The following HAUS5 variants were observed in gnomAD, a reference collection of about 807,000 sequenced individuals.
HAUS5 encodes the protein HAUS augmin like complex subunit 5, also known as HAUS augmin-like complex subunit 5.
In HAUS5, 67 loss-of-function variants were observed where a neutral mutation model predicts 94.1. The ratio of observed to expected loss-of-function variants is 0.71; its 90% CI spans 0.58 to 0.87. HAUS5 has a LOEUF of 0.87. Among genes scored for constraint, HAUS5 ranks in the 40% least tolerant of loss-of-function variants. The pLI is 0.00. For synonymous variants in HAUS5, 339 were observed against 355.4 expected, an observed-to-expected ratio of 0.95 and a Z score of 0.52; for missense variants, 739 against 825.6, an observed-to-expected ratio of 0.90 and a Z score of 1.29.
At position 35,623,143 on chromosome 19, in the gene HAUS5, C is replaced by T; in HGVS notation, c.*150C>T. The T allele has an allele frequency of 1.6e-6, 1 of 620,104 alleles. No individual in the cohort carries two copies. Among genetic ancestry groups the T allele is most frequent in the Admixed American group, 2.9e-5 (1 of 34,704 alleles). 38.4% of individuals were successfully genotyped at this position (620,104 alleles called of 1,614,324 possible). ...TCCCCTCATGTGCTGTTCTGCTGCC[C>T]CACTCAGCTCCTGGACCCTGTCCTT... is the stretch of plus-strand genomic sequence containing the variant. On this transcript the variant is annotated 3_prime_UTR_variant, in exon 19 of 19. Transcript: ENST00000203166.
intron 12 of HAUS5, 29 bp downstream of exon 12, chr19:35,618,728 A>G: frequency 1.3e-6 from 2 of 1,554,598 alleles, no homozygotes; most frequent in Non-Finnish European, 1.7e-6. Flanking sequence ...AGAGGTCTCT[A>G]GGCCATCTCG....
At chr19:35,622,839 T>A (rs768750598) in intron 18 of HAUS5, 37 bp from the exon 19 acceptor site, 1 of 1,605,078 alleles carries the variant, frequency 6.2e-7, no homozygotes, top group South Asian at 1.1e-5. Flanking sequence ...GTCTGGAGGG[T>A]CAGTCCTTTC....
At chr19:35,617,616 A>C (rs1192361699) in intron 8 of HAUS5, among the ~76,000 whole-genome samples, 1 of 152,032 alleles carries the variant, frequency 6.6e-6, no homozygotes, top group African/African-American at 2.4e-5. Context: ...CCAGCTAAGA[A>C]GGCAGGGAGG....
In HAUS5 at chr19:35,620,302, C is replaced by T. The variant is rs1215042996; in HGVS notation, c.1626C>T (p.Ser542=). The T allele has an allele frequency of 5.0e-6, 8 of 1,613,142 alleles. No homozygotes were observed. The highest frequency in any genetic ancestry group is 6.8e-6 in the Non-Finnish European group (8 of 1,179,804). The stretch of plus-strand genomic sequence containing the variant: ...GGGATCTACTCCACATGAAGACCAG[C>T]CTGCCGCCAGGCCTTCCCACCCAGG... ...WCWDLLHMKT[S]LPPGLPTQEL... Residue 542 remains serine (S), a synonymous_variant, in exon 17 of 19, where the codon AGC becomes AGT. Coordinates refer to ENST00000203166, the MANE Select transcript of HAUS5 (RefSeq NM_015302.2).
intron 17 of HAUS5, among the ~76,000 whole-genome samples, chr19:35,621,366 A>G (rs1245314119): frequency 1.3e-5 from 2 of 152,022 alleles, no homozygotes; most frequent in East Asian, 3.9e-4. Flanking sequence ...TTTTTGAGAC[A>G]AGGTCTCATT....
chr19:35,613,570 T>TTA (rs765418869), intron 1 of HAUS5, 160 bp from the exon 2 acceptor site: 9 of 499,834 alleles, frequency 1.8e-5, no homozygotes, highest in Non-Finnish European at 2.8e-5. Context: ...GACTGTCTCT[T>TTA]AAAAAAAAAA....
In HAUS5 at chr19:35,617,281, C is replaced by T. The variant is rs200781781; in HGVS notation, c.556-6C>T. ...CCCTCAGGTCCCTTCCTCCTCTTCT[C>T]CCTAGCGTGATGTCCGAACAGCCTG... On this transcript the variant is annotated splice_polypyrimidine_tract_variant and splice_region_variant and intron_variant, in intron 7 of 18. Coordinates refer to ENST00000203166, the MANE Select transcript of HAUS5 (RefSeq NM_015302.2). The T allele has an allele frequency of 6.8e-4, 1,102 of 1,612,956 alleles. 8 individuals carry two copies. In the African/African-American group the frequency reaches 0.012, roughly 17 times the overall value.
intron 14 of HAUS5, 29 bp from the exon 15 acceptor site, chr19:35,619,584 G>GGGCCCCCCCCC: frequency 2.0e-5 from 30 of 1,533,692 alleles, no homozygotes; most frequent in East Asian, 4.7e-5. Context: ...ATGTTGTGAT[G>GGGCCCCCCCCC]CCCCACCCAC....
rs771359954 is a variant in HAUS5, at chr19:35,622,950, G to A, written c.1859G>A (p.Arg620His). 135 of 1,613,324 alleles carry A rather than the reference G, an allele frequency of 8.4e-5. No homozygotes were observed. Among genetic ancestry groups the A allele is most frequent in the Middle Eastern group, 1.7e-4 (1 of 5,988 alleles). ...CTGTCCCTGCCCCAGTGGCGGCTGCGCTGGGTTCAGGCCCAGGGGGCCCTG... is the reference window on the plus strand; with the variant it reads ...CTGTCCCTGCCCCAGTGGCGGCTGCACTGGGTTCAGGCCCAGGGGGCCCTG... ...QGLSLPQWRL[R>H]WVQAQGALQK... The change falls in exon 19 of 19, where the codon CGC (arginine) becomes CAC (histidine). Residue 620 changes from arginine (R) to histidine (H), a missense_variant. Physicochemically the swap from Arg to His is conservative, Grantham distance 29. Transcript: ENST00000203166.
Position 35,616,317 on chromosome 19 carries a change from TA to T in HAUS5, c.486-794del, listed in dbSNP as rs879607918. The stretch of plus-strand genomic sequence containing the variant: ...TGGGTGACAAGAGCAAAACTCTGTT[TA>T]AAAAAAAAAAAATTGGGTGACCTTG... On this transcript the variant is annotated intron_variant, in intron 6 of 18. Transcript: ENST00000203166. Among the ~76,000 whole-genome samples the T allele has an allele frequency of 1.5e-3, 213 of 144,822 alleles. 1 individual carries two copies. Among genetic ancestry groups the T allele is most frequent in the Middle Eastern group, 3.6e-3 (1 of 276 alleles).
At chr19:35,615,723 A>G (rs1454578015) in intron 6 of HAUS5, among the ~76,000 whole-genome samples, 1 of 152,196 alleles carries the variant, frequency 6.6e-6, no homozygotes, top group African/African-American at 2.4e-5. Flanking sequence ...AGTGCTGTGA[A>G]GAAAAGCCTA....
Position 35,618,204 on chromosome 19 carries a change from C to A in HAUS5, c.821+9C>A. Reference sequence around the variant, plus strand: ...GACACAGAGATATCCAGGTGTGGGGCAGGGTATTCTCACAGTTGGGGAAGG... The same window carrying A: ...GACACAGAGATATCCAGGTGTGGGGAAGGGTATTCTCACAGTTGGGGAAGG... On this transcript the variant is annotated intron_variant, in intron 10 of 18. Transcript: ENST00000203166. The A allele has an allele frequency of 1.9e-6, 3 of 1,596,438 alleles. No individual in the cohort carries two copies. Among genetic ancestry groups the A allele is most frequent in the South Asian group, 1.1e-5 (1 of 88,892 alleles).
Position 35,615,214 on chromosome 19 carries a change from G to C in HAUS5, c.326-13G>C, listed in dbSNP as rs1255697064. The C allele has an allele frequency of 1.2e-6, 2 of 1,613,344 alleles. No homozygotes were observed. The highest frequency in any genetic ancestry group is 1.3e-5 in the African/African-American group (1 of 74,936). On this transcript the variant is annotated splice_polypyrimidine_tract_variant and intron_variant, in intron 5 of 18. Coordinates refer to ENST00000203166, the MANE Select transcript of HAUS5 (RefSeq NM_015302.2). ...GGGAAAGGTGCTGATGGCCACCCCT[G>C]TTCCTCCCACAGACACGGCCATGGA...
At chr19:35,617,833 G>C in intron 8 of HAUS5, 22 bp from the exon 9 acceptor site, 1 of 1,611,738 alleles carries the variant, frequency 6.2e-7, no homozygotes, top group Non-Finnish European at 8.5e-7. Flanking sequence ...AACGTTCTCT[G>C]TCCGCTTACC....
At chr19:35,614,009 C>CGCTG in intron 3 of HAUS5, 26 bp from the exon 4 acceptor site, 1 of 1,613,664 alleles carries the variant, frequency 6.2e-7, no homozygotes, top group Non-Finnish European at 8.5e-7. Context: ...CCCACTCATC[C>CGCTG]GCTGACTCTG....
At chr19:35,621,976 G>A (rs1301759956) in intron 17 of HAUS5, among the ~76,000 whole-genome samples, 3 of 152,338 alleles carry the variant, frequency 2.0e-5, no homozygotes, top group East Asian at 3.9e-4. Flanking sequence ...GGAAAGCACC[G>A]CTAGGGTGAA....
chr19:35,622,021 G>A (rs1056976516), intron 17 of HAUS5, among the ~76,000 whole-genome samples: 1 of 152,220 alleles, frequency 6.6e-6, no homozygotes, highest in African/African-American at 2.4e-5. Context: ...CTTGGAGCGA[G>A]AGTGTTGGAG....
chr19:35,615,434 T>A (rs2071934640), intron 6 of HAUS5, 48 bp downstream of exon 6: 2 of 1,474,454 alleles, frequency 1.4e-6, no homozygotes, highest in African/African-American at 2.8e-5. Context: ...CCAGACATTC[T>A]CTTAGAGACC....
chr19:35,624,638 G>T lies in HAUS5; in HGVS notation c.*1645G>T, dbSNP rs1967276984. On this transcript the variant is annotated 3_prime_UTR_variant, in exon 19 of 19. Transcript: ENST00000203166. The stretch of plus-strand genomic sequence containing the variant: ...CTGGCTAATATTTGTATTTTTTGTA[G>T]AGTCGGAGCTTTACCATGTTGGTCA... 6.6e-6 allele frequency: 1 copy of T among 151,980 alleles called. No individual in the cohort carries two copies. Among genetic ancestry groups the T allele is most frequent in the South Asian group, 2.1e-4 (1 of 4,826 alleles). The allele number at this position is 151,980 out of a possible 1,614,324, so 9.4% of individuals were successfully genotyped here.
Sources: gnomAD v4.1 joint callset for allele counts (sites outside exome capture counted in the v4.1 genomes callset) on GRCh38, gnomAD v4.1.1 for gene constraint, MANE v1.5 for transcripts, NCBI Gene and HGNC (gene_info 2026-07-23, HGNC 2026-07-21) for gene names.